The following PTPRD variants were observed in gnomAD, a reference collection of about 807,000 sequenced individuals.
PTPRD encodes protein tyrosine phosphatase receptor type D.
A neutral mutation model predicts 214.5 loss-of-function variants in PTPRD; 34 were observed. The ratio of observed to expected loss-of-function variants is 0.16; its 90% CI spans 0.12 to 0.21. The LOEUF is 0.21. PTPRD is among the 10% of genes least tolerant of loss of function. The probability of loss-of-function intolerance (pLI) is 1.00; values close to 1 mark genes in which losing one functional copy is unlikely to be tolerated. For synonymous variants in PTPRD, 1,128 were observed against 845.7 expected (o/e 1.33, Z -5.79); for missense variants, 2,545 against 2,398.7 (o/e 1.06, Z -1.27).
intron 2 of PTPRD, among the ~76,000 whole-genome samples, chr9:10,388,328 A>G (rs1374557984): frequency 6.6e-6 from 1 of 151,820 alleles, no homozygotes; most frequent in Admixed American, 6.6e-5. Flanking sequence ...CTGAGATAAA[A>G]TGATTAAAAA....
chr9:10,185,347 G>A (rs1200544157), intron 3 of PTPRD, among the ~76,000 whole-genome samples: 4 of 152,104 alleles, frequency 2.6e-5, no homozygotes, highest in African/African-American at 9.7e-5. Context: ...TTCCAATTTC[G>A]AATGATGCAT....
intron 5 of PTPRD, among the ~76,000 whole-genome samples, chr9:9,828,701 G>A (rs957978193): frequency 6.6e-6 from 1 of 150,862 alleles, no homozygotes; most frequent in Non-Finnish European, 1.5e-5. Context: ...CTAAAGGTAA[G>A]AACCTAAGCA....
chr9:9,881,431 C>G (rs74809515), intron 5 of PTPRD, among the ~76,000 whole-genome samples: 2,305 of 152,240 alleles, frequency 0.015, 53 homozygotes, highest in African/African-American at 0.053. Context: ...GCTTCGTAGT[C>G]TGACTTGGGT....
chr9:8,411,802 G>C (rs997903083), intron 35 of PTPRD, among the ~76,000 whole-genome samples: 8 of 152,136 alleles, frequency 5.3e-5, no homozygotes, highest in African/African-American at 1.7e-4. Flanking sequence ...CAGATTTATA[G>C]GTGATGTTCT....
chr9:9,386,362 T>A (rs191275529), intron 9 of PTPRD, among the ~76,000 whole-genome samples: 1 of 152,196 alleles, frequency 6.6e-6, no homozygotes, highest in African/African-American at 2.4e-5. Context: ...CAACTTCAAA[T>A]GCCTCTGGTA....
At chr9:10,370,750 T>G (rs1050840685) in intron 2 of PTPRD, among the ~76,000 whole-genome samples, 1 of 151,984 alleles carries the variant, frequency 6.6e-6, no homozygotes, top group Admixed American at 6.6e-5. Flanking sequence ...CATGCATCCC[T>G]TTTTAAAGTA....
chr9:10,143,646 G>C (rs1236865423), intron 3 of PTPRD, among the ~76,000 whole-genome samples: 2 of 152,076 alleles, frequency 1.3e-5, no homozygotes, highest in East Asian at 3.9e-4. Context: ...CAAAGACATG[G>C]AGTTAACTCA....
At chr9:9,212,874 C>T (rs1409853394) in intron 9 of PTPRD, among the ~76,000 whole-genome samples, 1 of 152,048 alleles carries the variant, frequency 6.6e-6, no homozygotes, top group Non-Finnish European at 1.5e-5. Context: ...ATCTGGGTTT[C>T]CTTCTATAGT....
chr9:8,921,212 T>G (rs113729553), intron 11 of PTPRD, among the ~76,000 whole-genome samples: 4 of 152,324 alleles, frequency 2.6e-5, no homozygotes, highest in African/African-American at 9.6e-5. Flanking sequence ...AGTTGTACAT[T>G]CAAAGTAGGA....
intron 5 of PTPRD, among the ~76,000 whole-genome samples, chr9:9,768,715 C>A (rs1276743784): frequency 6.6e-6 from 1 of 152,104 alleles, no homozygotes; most frequent in Non-Finnish European, 1.5e-5. Context: ...AAGTTTTCCA[C>A]AGGTCACATA....
chr9:10,430,810 T>A (rs1046434046), intron 2 of PTPRD, among the ~76,000 whole-genome samples: 3 of 151,990 alleles, frequency 2.0e-5, no homozygotes, highest in East Asian at 1.9e-4. Context: ...GCAATAGACC[T>A]GTCTTCCATA....
intron 2 of PTPRD, among the ~76,000 whole-genome samples, chr9:10,486,259 G>A (rs886677224): frequency 1.1e-4 from 17 of 152,160 alleles, no homozygotes; most frequent in African/African-American, 3.9e-4. Flanking sequence ...CTTTGCCCAC[G>A]CCTATGTCCT....
intron 8 of PTPRD, among the ~76,000 whole-genome samples, chr9:9,406,071 T>A (rs1198021245): frequency 6.6e-6 from 1 of 152,016 alleles, no homozygotes; most frequent in Non-Finnish European, 1.5e-5. Context: ...AAAATTTACC[T>A]TTGCACTCTA....
chr9:8,329,875 G>A (rs373392165), intron 44 of PTPRD, among the ~76,000 whole-genome samples: 3 of 150,630 alleles, frequency 2.0e-5, no homozygotes, highest in Non-Finnish European at 3.0e-5. Flanking sequence ...CACGAAGCTC[G>A]AATGGCCCAG....
Position 10,016,839 on chromosome 9 carries a change from A to T in PTPRD, c.-472+16879T>A, listed in dbSNP as rs183495062. On this transcript the variant is annotated intron_variant, in intron 4 of 45. Transcript: ENST00000381196. ...ACCATCATGTCTGGCTAATCTTTTG[A>T]TTTTTTGTAGAGACAGGGTCTCGCT... Among the ~76,000 whole-genome samples the T allele has an allele frequency of 2.1e-3, 321 of 151,918 alleles. 1 individual carries two copies. Among genetic ancestry groups the T allele is most frequent in the African/African-American group, 7.6e-3 (314 of 41,460 alleles).
chr9:9,963,953 T>C (rs1338610374), intron 4 of PTPRD, among the ~76,000 whole-genome samples: 4 of 151,130 alleles, frequency 2.6e-5, no homozygotes, highest in African/African-American at 7.3e-5. Context: ...ATTTCCATTT[T>C]TATGAGCATT....
intron 2 of PTPRD, among the ~76,000 whole-genome samples, chr9:10,375,671 C>A (rs2097714142): frequency 6.6e-6 from 1 of 151,952 alleles, no homozygotes; most frequent in South Asian, 2.1e-4. Flanking sequence ...CCATAATCCC[C>A]AATGAATAAT....
intron 3 of PTPRD, among the ~76,000 whole-genome samples, chr9:10,178,735 G>A (rs916834499): frequency 4.0e-5 from 6 of 151,836 alleles, no homozygotes; most frequent in African/African-American, 1.5e-4. Context: ...GTGTTGTGAG[G>A]GGCTTTCCTG....
rs570430595 is a variant in PTPRD, at chr9:8,449,815, T to C, written c.3898A>G (p.Arg1300Gly). ...TTATTGTTCGGTATGCTGCTTTTTC[T>C]AGAGTCGGACTCTGCCCTCTTCCTA... ...YKRKRAESDS[R>G]KSSIPNNKEI... The change falls in exon 34 of 46, where the codon AGA (arginine) becomes GGA (glycine). Residue 1300 changes from arginine (R) to glycine (G), a missense_variant. Arg to Gly is a moderately radical substitution (Grantham distance 125). Transcript: ENST00000381196. The C allele has an allele frequency of 3.1e-6, 5 of 1,614,066 alleles. No individual in the cohort carries two copies. The East Asian group carries it at 6.7e-5, about 22-fold the overall frequency.
Sources: allele counts gnomAD v4.1 joint callset (sites outside exome capture counted in the v4.1 genomes callset), GRCh38; gene constraint gnomAD v4.1.1; transcripts MANE v1.5; gene names NCBI Gene and HGNC (gene_info 2026-07-23, HGNC 2026-07-21).